Variants in LRRC37A2 observed in about 807,000 individuals in gnomAD.
LRRC37A2 encodes leucine rich repeat containing 37 member A2.
In LRRC37A2, 9 loss-of-function variants were observed where a neutral mutation model predicts 68.8. That is an observed-to-expected ratio of 0.13 (90% CI 0.08 to 0.23). The LOEUF (loss-of-function observed/expected upper bound fraction) is 0.23. Among genes scored for constraint, LRRC37A2 ranks in the 10% least tolerant of loss-of-function variants. LRRC37A2 has a pLI of 1.00. For synonymous variants in LRRC37A2, 63 were observed against 367.6 expected, an observed-to-expected ratio of 0.17 and a Z score of 9.48; for missense variants, 168 against 950.4, an observed-to-expected ratio of 0.18 and a Z score of 10.82.
At chr17:46,532,315 G>A (rs1358417470) in intron 6 of LRRC37A2, among the ~76,000 whole-genome samples, 1 of 150,258 alleles carries the variant, frequency 6.7e-6, no homozygotes, top group African/African-American at 2.5e-5. Context: ...CGTTGAATTT[G>A]GTTTGCCAGA....
the LRRC37A2 span, chr17:46,933,208 G>T: frequency 2.1e-4 from 32 of 152,348 alleles, no homozygotes; most frequent in Non-Finnish European, 4.0e-4. Flanking sequence ...TTTTTTGCCA[G>T]CCTGGCGTGA....
At chr17:46,851,622 G>T in the LRRC37A2 span, 78 of 1,249,238 alleles carry the variant, frequency 6.2e-5, no homozygotes, top group Admixed American at 1.7e-4. The surrounding 1 kb of genome is among the most constrained non-coding windows in gnomAD (Gnocchi z 4.3). Context: ...GCTAGAGGGC[G>T]CAGCGCCGCC....
chr17:46,995,600 C>A, the LRRC37A2 span, among the ~76,000 whole-genome samples: 1 of 152,152 alleles, frequency 6.6e-6, no homozygotes, highest in Admixed American at 6.6e-5. Context: ...TGAGCTCCAG[C>A]AGCCATATTG....
chr17:46,598,769 C>T, the LRRC37A2 span, among the ~76,000 whole-genome samples: 1 of 151,870 alleles, frequency 6.6e-6, no homozygotes. Flanking sequence ...ACCAAACAAA[C>T]TTTCAGATGA....
At chr17:46,942,276 C>G in the LRRC37A2 span, among the ~76,000 whole-genome samples, 17 of 152,222 alleles carry the variant, frequency 1.1e-4, no homozygotes, top group Non-Finnish European at 2.1e-4. Context: ...AGCCTAGGCC[C>G]TTCATAAACA....
chr17:46,534,703 C>G (rs1281501737), intron 6 of LRRC37A2, among the ~76,000 whole-genome samples: 1 of 150,044 alleles, frequency 6.7e-6, no homozygotes, highest in Non-Finnish European at 1.5e-5. Context: ...TCTCAATGAG[C>G]TGTTGGGTAC....
At chr17:46,876,773 C>T in the LRRC37A2 span, 2 of 1,484,922 alleles carry the variant, frequency 1.3e-6, no homozygotes, top group African/African-American at 2.8e-5. Context: ...TGGCACCCTT[C>T]AAGCTGCCCA....
chr17:46,935,881 TG>T, the LRRC37A2 span: 1 of 985,926 alleles, frequency 1.0e-6, no homozygotes, highest in Non-Finnish European at 1.2e-6. Flanking sequence ...TAATAGGGCG[TG>T]GGTTCTGTCT....
the LRRC37A2 span, chr17:46,933,681 G>GCACTAGT: frequency 7.0e-6 from 1 of 143,862 alleles, no homozygotes. Context: ...GGTAAAAACA[G>GCACTAGT]CACTAGTGGA....
At chr17:47,046,118 G>T in the LRRC37A2 span, among the ~76,000 whole-genome samples, 1 of 93,436 alleles carries the variant, frequency 1.1e-5, no homozygotes, top group South Asian at 3.8e-4. Context: ...CTTGAGCCCA[G>T]GAGTTCTACA....
At chr17:46,503,068 C>T in the LRRC37A2 span, among the ~76,000 whole-genome samples, 53 of 150,730 alleles carry the variant, frequency 3.5e-4, 1 homozygote, top group East Asian at 9.7e-4. Context: ...GAAAATTAGC[C>T]GGCAGTGGTG....
chr17:46,938,661 G>T, the LRRC37A2 span: 2 of 1,614,118 alleles, frequency 1.2e-6, no homozygotes, highest in East Asian at 4.5e-5. Flanking sequence ...CAGTGATGCG[G>T]CTCATCGAGA....
At chr17:46,923,763 C>G in the LRRC37A2 span, 4 of 418,812 alleles carry the variant, frequency 9.6e-6, no homozygotes, top group Non-Finnish European at 1.6e-5. Context: ...TACAGGTTAT[C>G]GCTAAGAAAA....
At chr17:46,923,132 G>T in the LRRC37A2 span, 2 of 1,155,344 alleles carry the variant, frequency 1.7e-6, no homozygotes, top group East Asian at 2.6e-5. Flanking sequence ...CCGGAAGGGG[G>T]GCTGTGAGGA....
chr17:46,836,974 G>A, the LRRC37A2 span, among the ~76,000 whole-genome samples: 30 of 151,828 alleles, frequency 2.0e-4, no homozygotes, highest in Non-Finnish European at 3.4e-4. Flanking sequence ...ACAGAGTCTC[G>A]CTCTGTCGCC....
the LRRC37A2 span, chr17:46,773,924 A>T: frequency 3.7e-6 from 6 of 1,609,848 alleles, no homozygotes; most frequent in Non-Finnish European, 5.1e-6. Context: ...AGGCAGACAG[A>T]GGGTAGTAAC....
the LRRC37A2 span, among the ~76,000 whole-genome samples, chr17:46,814,397 A>T: frequency 4.4e-4 from 67 of 152,280 alleles, no homozygotes; most frequent in African/African-American, 1.6e-3. Flanking sequence ...CAGATCGGCC[A>T]CCAATTTTGC....
At chr17:46,983,739 T>C in the LRRC37A2 span, among the ~76,000 whole-genome samples, 56 of 152,346 alleles carry the variant, frequency 3.7e-4, no homozygotes, top group East Asian at 9.4e-3. Flanking sequence ...TGAGCAAACA[T>C]TTATGATCTC....
chr17:46,492,120 C>A, the LRRC37A2 span, among the ~76,000 whole-genome samples: 3 of 151,384 alleles, frequency 2.0e-5, no homozygotes, highest in South Asian at 2.1e-4. Flanking sequence ...CCCGCCACTA[C>A]GCCTGGCTAA....
Sources: gnomAD v4.1 joint callset for allele counts (sites outside exome capture counted in the v4.1 genomes callset) on GRCh38, gnomAD v4.1.1 for gene constraint, Gnocchi (gnomAD v3.1) non-coding constraint, MANE v1.5 for transcripts, NCBI Gene and HGNC (gene_info 2026-07-23, HGNC 2026-07-21) for gene names.